TTLL11: variants seen among roughly 807,000 people sequenced by gnomAD.
TTLL11 encodes tubulin polyglutamylase TTLL11.
TTLL11 carries 42 observed loss-of-function variants against 51.7 expected under a neutral mutation model. The ratio of observed to expected loss-of-function variants is 0.81; its 90% CI spans 0.64 to 1.05. TTLL11 has a LOEUF of 1.05. Among genes scored for constraint, TTLL11 ranks in the 50% least tolerant of loss-of-function variants. TTLL11 has a pLI of 0.00. For missense variants in TTLL11, 799 were observed against 940.4 expected (o/e 0.85, Z 1.97); for synonymous variants, 381 against 383.5 (o/e 0.99, Z 0.08).
intron 6 of TTLL11, among the ~76,000 whole-genome samples, chr9:121,880,618 T>C (rs1174988094): frequency 6.6e-6 from 1 of 152,260 alleles, no homozygotes; most frequent in Non-Finnish European, 1.5e-5. Flanking sequence ...TGCATAACTG[T>C]CTGCTTAATG....
intron 1 of TTLL11, among the ~76,000 whole-genome samples, chr9:122,062,652 A>G (rs1419294877): frequency 1.3e-5 from 2 of 150,128 alleles, no homozygotes; most frequent in African/African-American, 2.5e-5. Flanking sequence ...TATTTTTAGT[A>G]GAGATGGGGT....
chr9:121,846,504 A>G (rs1837518404), intron 8 of TTLL11, among the ~76,000 whole-genome samples: 1 of 152,224 alleles, frequency 6.6e-6, no homozygotes, highest in Non-Finnish European at 1.5e-5. Flanking sequence ...CAAATGAAAT[A>G]TTCACCAAGA....
intron 6 of TTLL11, among the ~76,000 whole-genome samples, chr9:121,914,236 C>T (rs557710589): frequency 2.6e-5 from 4 of 152,284 alleles, no homozygotes; most frequent in Admixed American, 2.0e-4. Flanking sequence ...GTTAATATAT[C>T]GTCTACAGCC....
intron 3 of TTLL11, among the ~76,000 whole-genome samples, chr9:122,020,171 A>G (rs1844123864): frequency 6.6e-6 from 1 of 152,200 alleles, no homozygotes; most frequent in East Asian, 1.9e-4. Context: ...ATCATTCCAA[A>G]ATGCCATACT....
At chr9:121,833,253 C>T (rs116202467) in intron 8 of TTLL11, among the ~76,000 whole-genome samples, 1,955 of 152,282 alleles carry the variant, frequency 0.013, 49 homozygotes, top group African/African-American at 0.045. Context: ...GCCAGCCGCA[C>T]GTCTCTCACC....
At chr9:121,997,603 C>T (rs1843316129) in intron 3 of TTLL11, among the ~76,000 whole-genome samples, 1 of 152,192 alleles carries the variant, frequency 6.6e-6, no homozygotes, top group Non-Finnish European at 1.5e-5. Context: ...TCAGGCAGAC[C>T]TGGGTTCAGA....
intron 3 of TTLL11, among the ~76,000 whole-genome samples, chr9:122,030,208 G>A (rs202065960): frequency 3.5e-5 from 5 of 144,914 alleles, no homozygotes; most frequent in Admixed American, 6.9e-5. Context: ...ACATTGGGGG[G>A]GGGGGGGTAA....
At chr9:121,953,634 A>G (rs1313646199) in intron 6 of TTLL11, among the ~76,000 whole-genome samples, 2 of 16,292 alleles carry the variant, frequency 1.2e-4, no homozygotes, top group East Asian at 2.0e-3. Context: ...TGCCGCCTCA[A>G]AAAAAAAAAA....
At chr9:121,953,758 G>A (rs1038754241) in intron 6 of TTLL11, among the ~76,000 whole-genome samples, 1 of 151,396 alleles carries the variant, frequency 6.6e-6, no homozygotes, top group African/African-American at 2.4e-5. Context: ...AGTAAGCAAA[G>A]CAACCAAAAA....
At chr9:121,872,111 C>A (rs1838380268) in intron 6 of TTLL11, among the ~76,000 whole-genome samples, 1 of 152,236 alleles carries the variant, frequency 6.6e-6, no homozygotes, top group Admixed American at 6.5e-5. Flanking sequence ...CTGTTCTCTA[C>A]TCCTTATTAA....
At chr9:122,003,812 T>C (rs1843557436) in intron 3 of TTLL11, among the ~76,000 whole-genome samples, 1 of 151,158 alleles carries the variant, frequency 6.6e-6, no homozygotes, top group Non-Finnish European at 1.5e-5. Flanking sequence ...ATGTTTTGCC[T>C]GTATGATGTT....
rs369513205 is a variant in TTLL11, at chr9:121,869,115, G to A, written c.1733+1382C>T. ...CCCAAAGCCTGTCCTCTTTCCACTG[G>A]GCTTCCCTCCCCCACCCTGCCCTAC... On this transcript the variant is annotated intron_variant, in intron 7 of 8. Transcript: ENST00000321582. 6.6e-5 allele frequency among the ~76,000 whole-genome samples: 10 copies of A among 152,230 alleles called. No individual in the cohort carries two copies. The South Asian group carries it at 1.2e-3, about 19-fold the overall frequency.
intron 6 of TTLL11, among the ~76,000 whole-genome samples, chr9:121,874,425 A>T (rs1201252471): frequency 6.6e-6 from 1 of 152,230 alleles, no homozygotes; most frequent in East Asian, 1.9e-4. Flanking sequence ...CTCTTTGTAG[A>T]CATTCTGAGA....
intron 1 of TTLL11, among the ~76,000 whole-genome samples, chr9:122,081,162 ATG>A (rs1460967358): frequency 6.6e-6 from 1 of 152,272 alleles, no homozygotes; most frequent in African/African-American, 2.4e-5. Flanking sequence ...TGAAGGACTT[ATG>A]TAAACACTAA....
intron 6 of TTLL11, among the ~76,000 whole-genome samples, chr9:121,871,401 G>T (rs1188237829): frequency 1.3e-5 from 2 of 152,000 alleles, no homozygotes; most frequent in Admixed American, 1.3e-4. Context: ...TATTCCCCCT[G>T]CCCCAAATCT....
At chr9:122,083,336 G>A (rs1846045864) in intron 1 of TTLL11, among the ~76,000 whole-genome samples, 1 of 152,122 alleles carries the variant, frequency 6.6e-6, no homozygotes, top group Non-Finnish European at 1.5e-5. Flanking sequence ...GAAAGCAGGT[G>A]TCACAATGGG....
intron 3 of TTLL11, among the ~76,000 whole-genome samples, chr9:122,015,992 T>G (rs1344760812): frequency 6.6e-6 from 1 of 151,998 alleles, no homozygotes; most frequent in Non-Finnish European, 1.5e-5. Flanking sequence ...GGAGAGGTAA[T>G]TAAACAGGTA....
rs756522764 is a variant in TTLL11, at chr9:121,817,928, T to C, written c.*4659A>G. On this transcript the variant is annotated 3_prime_UTR_variant, in exon 9 of 9. Coordinates refer to ENST00000321582, the MANE Select transcript of TTLL11 (RefSeq NM_001139442.2). The stretch of plus-strand genomic sequence containing the variant: ...GAAGTGCTTTGTAAACTGTGAAGGA[T>C]TGAGCATGTGCTGATAAAATCATGC... 2 of 152,226 alleles carry C rather than the reference T, an allele frequency of 1.3e-5. No homozygotes were observed. The highest frequency in any genetic ancestry group is 2.9e-5 in the Non-Finnish European group (2 of 68,066). The allele number at this position is 152,226 out of a possible 1,614,324, so 9.4% of individuals were successfully genotyped here.
chr9:121,831,117 T>C (rs1218777047), intron 8 of TTLL11, among the ~76,000 whole-genome samples: 1 of 152,192 alleles, frequency 6.6e-6, no homozygotes, highest in Admixed American at 6.5e-5. Context: ...GCCAGCAATC[T>C]TATGCAGGAG....
Sources: allele counts gnomAD v4.1 joint callset (sites outside exome capture counted in the v4.1 genomes callset), GRCh38; gene constraint gnomAD v4.1.1; transcripts MANE v1.5; gene names NCBI Gene and HGNC (gene_info 2026-07-23, HGNC 2026-07-21).